The following LRFN5 variants were observed in gnomAD, a reference collection of about 807,000 sequenced individuals.
LRFN5 encodes leucine rich repeat and fibronectin type III domain containing 5.
In LRFN5, 24 loss-of-function variants were observed where a neutral mutation model predicts 45.6. The ratio of observed to expected loss-of-function variants is 0.53; its 90% CI spans 0.38 to 0.74. The LOEUF is 0.74. Ranked by LOEUF, LRFN5 falls within the 30% of genes least tolerant of loss-of-function variation. The probability of loss-of-function intolerance (pLI) is 0.00; values close to 1 mark genes in which losing one functional copy is unlikely to be tolerated. For missense variants in LRFN5, 776 were observed against 861.5 expected (o/e 0.90, Z 1.24); for synonymous variants, 340 against 313.8 (o/e 1.08, Z -0.88).
At chr14:41,901,902 G>A (rs1891111963) in intron 5 of LRFN5, among the ~76,000 whole-genome samples, 1 of 151,888 alleles carries the variant, frequency 6.6e-6, no homozygotes, top group Non-Finnish European at 1.5e-5. Flanking sequence ...AAACACATAT[G>A]TAGGAAACAT....
intron 1 of LRFN5, among the ~76,000 whole-genome samples, chr14:41,734,940 C>CA (rs1344268351): frequency 1.3e-5 from 2 of 152,000 alleles, no homozygotes; most frequent in East Asian, 1.9e-4. Context: ...CCCTGACAAC[C>CA]AAAAAAGTGT....
chr14:41,671,617 G>GATTTTTTTTTTTTTTTTTTTTTTTT (rs1881224166), intron 1 of LRFN5, among the ~76,000 whole-genome samples: 1 of 78,020 alleles, frequency 1.3e-5, no homozygotes, highest in African/African-American at 5.4e-5. Context: ...TTTTTTTTTC[G>GATTTTTTTTTTTTTTTTTTTTTTTT]TTTTTTTTTT....
chr14:41,805,308 A>G (rs1295320555), intron 2 of LRFN5, among the ~76,000 whole-genome samples: 2 of 151,000 alleles, frequency 1.3e-5, no homozygotes, highest in African/African-American at 4.8e-5. Flanking sequence ...TAAAATATAG[A>G]AGAACAAGTA....
At chr14:41,729,361 CA>C (rs1884072664) in intron 1 of LRFN5, among the ~76,000 whole-genome samples, 1 of 152,114 alleles carries the variant, frequency 6.6e-6, no homozygotes, top group African/African-American at 2.4e-5. Context: ...CACCTTCCAT[CA>C]TGACTATAAG....
chr14:41,846,618 T>C (rs1594461218), intron 2 of LRFN5, among the ~76,000 whole-genome samples: 2 of 152,258 alleles, frequency 1.3e-5, no homozygotes, highest in South Asian at 4.1e-4. Context: ...ATGTGGAAAT[T>C]TGATTTGTCA....
intron 2 of LRFN5, among the ~76,000 whole-genome samples, chr14:41,807,463 C>T (rs959345755): frequency 9.2e-5 from 14 of 152,066 alleles, no homozygotes; most frequent in Non-Finnish European, 1.6e-4. Flanking sequence ...CTAGAATTAT[C>T]TTAGCCATTT....
chr14:41,872,486 T>A lies in LRFN5; in HGVS notation c.-20-14120T>A, dbSNP rs142200926. 3.2e-4 allele frequency among the ~76,000 whole-genome samples: 48 copies of A among 152,296 alleles called. No individual in the cohort carries two copies. The East Asian group carries it at 8.3e-3, about 26-fold the overall frequency. On this transcript the variant is annotated intron_variant, in intron 2 of 5. Transcript: ENST00000298119. ...AACAGACTTTTCAAAATAGTAGTAG[T>A]TTAAACATGTTAGAGAGCAATCCAG...
At chr14:41,844,216 T>TTG (rs1170573639) in intron 2 of LRFN5, among the ~76,000 whole-genome samples, 1 of 152,110 alleles carries the variant, frequency 6.6e-6, no homozygotes, top group Non-Finnish European at 1.5e-5. Context: ...GGTGGGCGGA[T>TTG]CACGAGGTCA....
At chr14:41,759,654 G>A (rs1271469769) in intron 1 of LRFN5, among the ~76,000 whole-genome samples, 1 of 152,160 alleles carries the variant, frequency 6.6e-6, no homozygotes, top group East Asian at 1.9e-4. Context: ...GGTACAAAAT[G>A]TAATCTCTGT....
At chr14:41,740,176 A>C (rs1055033652) in intron 1 of LRFN5, among the ~76,000 whole-genome samples, 2 of 152,094 alleles carry the variant, frequency 1.3e-5, no homozygotes, top group African/African-American at 4.8e-5. Context: ...TGGAGGGAAT[A>C]CTTCAAAATT....
chr14:41,744,541 T>C (rs1884839361), intron 1 of LRFN5, among the ~76,000 whole-genome samples: 1 of 152,082 alleles, frequency 6.6e-6, no homozygotes, highest in South Asian at 2.1e-4. Context: ...GTAATCACTT[T>C]AAGTGTAAAC....
chr14:41,839,219 T>A (rs555076905), intron 2 of LRFN5, among the ~76,000 whole-genome samples: 3 of 152,130 alleles, frequency 2.0e-5, no homozygotes, highest in African/African-American at 7.2e-5. Flanking sequence ...ATAAACAAAA[T>A]AATTCTCAGA....
intron 1 of LRFN5, among the ~76,000 whole-genome samples, chr14:41,670,199 TTC>T (rs1219205965): frequency 2.0e-4 from 15 of 73,630 alleles, no homozygotes; most frequent in African/African-American, 1.2e-3. Flanking sequence ...TATATATACA[TTC>T]TCTGTGTGTG....
At chr14:41,672,136 A>G (rs1346091998) in intron 1 of LRFN5, among the ~76,000 whole-genome samples, 2 of 152,218 alleles carry the variant, frequency 1.3e-5, no homozygotes, top group African/African-American at 4.8e-5. Flanking sequence ...TTAAATTGGA[A>G]TAATAAGCAT....
chr14:41,894,138 A>G, intron 4 of LRFN5: 1 of 984,016 alleles, frequency 1.0e-6, no homozygotes, highest in Non-Finnish European at 1.2e-6. Context: ...ACTTAAAGAA[A>G]TGAATCTTCA....
chr14:41,865,539 C>G (rs557424760), intron 2 of LRFN5, among the ~76,000 whole-genome samples: 1 of 152,096 alleles, frequency 6.6e-6, no homozygotes, highest in South Asian at 2.1e-4. Context: ...AATTTTTGTA[C>G]AAGTTTTTTT....
chr14:41,718,557 G>C (rs763237130), intron 1 of LRFN5, among the ~76,000 whole-genome samples: 6 of 152,234 alleles, frequency 3.9e-5, no homozygotes, highest in South Asian at 4.1e-4. Flanking sequence ...TTCACTTTTA[G>C]AATTTACATA....
chr14:41,714,841 G>C (rs1173267396), intron 1 of LRFN5, among the ~76,000 whole-genome samples: 1 of 152,098 alleles, frequency 6.6e-6, no homozygotes, highest in Non-Finnish European at 1.5e-5. Context: ...GGAGGTTCAG[G>C]CTGCGGGGAG....
Position 41,748,342 on chromosome 14 carries a change from G to GA in LRFN5, c.-196-18506dup, listed in dbSNP as rs143363253. Among the ~76,000 whole-genome samples the GA allele has an allele frequency of 6.7e-3, 1,022 of 152,020 alleles. 12 individuals are homozygous for GA. Among genetic ancestry groups the GA allele is most frequent in the African/African-American group, 0.024 (981 of 41,512 alleles). On this transcript the variant is annotated intron_variant, in intron 1 of 5. Transcript: ENST00000298119. ...GCAATGGAATATTAGCCTCATAAAG[G>GA]AAAAAACAACTTATATATGATAGAG...
Sources: gnomAD v4.1 joint callset for allele counts (sites outside exome capture counted in the v4.1 genomes callset) on GRCh38, gnomAD v4.1.1 for gene constraint, MANE v1.5 for transcripts, NCBI Gene and HGNC (gene_info 2026-07-23, HGNC 2026-07-21) for gene names.